CNOT3: variants seen among roughly 807,000 people sequenced by gnomAD.
The protein encoded by CNOT3 is CCR4-associated factor 3.
CNOT3 carries 2 observed loss-of-function variants against 89.4 expected under a neutral mutation model. The ratio of observed to expected loss-of-function variants is 0.02; its 90% confidence interval spans 0.01 to 0.07. The LOEUF is 0.07. Ranked by LOEUF, CNOT3 falls within the 10% of genes least tolerant of loss-of-function variation. CNOT3 has a pLI of 1.00. For synonymous variants in CNOT3, 486 were observed against 402.0 expected, an observed-to-expected ratio of 1.21 and a Z score of -2.50; for missense variants, 664 against 1,010.2, an observed-to-expected ratio of 0.66 and a Z score of 4.65.
chr19:54,150,786 A>C (rs915285248), intron 13 of CNOT3, among the ~76,000 whole-genome samples: 11 of 151,624 alleles, frequency 7.3e-5, no homozygotes, highest in Non-Finnish European at 1.5e-4. Flanking sequence ...CAGAAGCATT[A>C]ATTTTTTTTT....
In CNOT3 at chr19:54,143,695, C is replaced by T. The variant is rs2074548597; in HGVS notation, c.204C>T (p.Ser68=). The T allele has an allele frequency of 6.2e-7, 1 of 1,613,862 alleles. No individual in the cohort carries two copies. The highest frequency in any genetic ancestry group is 8.5e-7 in the Non-Finnish European group (1 of 1,179,996). The change falls in exon 5 of 18, where the codon TCC becomes TCT. Residue 68 remains serine (S), a synonymous_variant. Transcript: ENST00000221232. Reference sequence around the variant, plus strand: ...ACCAAATCAAGACATGGGTAGCGTCCAACGAGATCAAGGACAAGAGGCAGC... The same window carrying T: ...ACCAAATCAAGACATGGGTAGCGTCTAACGAGATCAAGGACAAGAGGCAGC... ...LRDQIKTWVA[S]NEIKDKRQLI...
chr19:54,147,878 A>G (rs1452980838), intron 10 of CNOT3, among the ~76,000 whole-genome samples: 3 of 152,200 alleles, frequency 2.0e-5, no homozygotes, highest in Non-Finnish European at 4.4e-5. Context: ...GTTGTGTGTC[A>G]GATCCCTGTG....
chr19:54,152,101 G>T, intron 13 of CNOT3, 125 bp from the exon 14 acceptor site: 1 of 854,042 alleles, frequency 1.2e-6, no homozygotes, highest in Non-Finnish European at 1.9e-6. Context: ...GTAGATTGTG[G>T]GGAGTGGGTC....
In CNOT3 at chr19:54,152,333, A is replaced by G. The variant is rs1390942159; in HGVS notation, c.1705+8A>G. On this transcript the variant is annotated splice_region_variant and intron_variant, in intron 14 of 17. Transcript: ENST00000221232. ...TGCACCTGACCGAGCGAGGTGAGGGACCCAGGATGGTGGGGAAGCAGCGGG... is the reference window on the plus strand; with the variant it reads ...TGCACCTGACCGAGCGAGGTGAGGGGCCCAGGATGGTGGGGAAGCAGCGGG... 6.2e-7 allele frequency: 1 copy of G among 1,613,986 alleles called. No homozygotes were observed. The highest frequency in any genetic ancestry group is 8.5e-7 in the Non-Finnish European group (1 of 1,180,014).
intron 16 of CNOT3, chr19:54,153,259 C>T (rs2075232814): frequency 5.2e-6 from 4 of 762,632 alleles, no homozygotes; most frequent in East Asian, 2.4e-5. Context: ...TCCAGTTGCC[C>T]ACTGGCTCAC....
Position 54,143,731 on chromosome 19 carries a change from C to T in CNOT3, c.240C>T (p.Asn80=). The T allele has an allele frequency of 6.2e-7, 1 of 1,613,872 alleles. No homozygotes were observed. The highest frequency in any genetic ancestry group is 8.5e-7 in the Non-Finnish European group (1 of 1,179,950). Residue 80 remains asparagine, a synonymous_variant, in exon 5 of 18, where the codon AAC becomes AAT. Coordinates refer to ENST00000221232, the MANE Select transcript of CNOT3 (RefSeq NM_014516.4). ...EIKDKRQLID[N]RKLIETQMER... ...AGGACAAGAGGCAGCTTATAGACAA[C>T]CGCAAGCTCATTGAGACGGTAGGAG...
At position 54,137,913 on chromosome 19, in the gene CNOT3, G is replaced by C. The variant is rs895842683; in HGVS notation, c.-131G>C. 7.9e-5 allele frequency: 12 copies of C among 152,126 alleles called. No homozygotes were observed. The highest frequency in any genetic ancestry group is 4.6e-4 in the Admixed American group (7 of 15,298). The allele number at this position is 152,126 out of a possible 1,614,324, so 9.4% of individuals were successfully genotyped here. A position where few individuals can be genotyped will look rare whatever the true frequency, so the allele number is the denominator to read the frequency against. ...CGCTATCGCGATAGCGCCCGGGCCC[G>C]GGGCGCGAGAAAAAGGCGGCGGGCG... On this transcript the variant is annotated 5_prime_UTR_variant, in exon 1 of 18. Coordinates refer to ENST00000221232, the MANE Select transcript of CNOT3 (RefSeq NM_014516.4).
chr19:54,146,124 G>A (rs1212316003), intron 9 of CNOT3, 81 bp downstream of exon 9: 58 of 1,509,044 alleles, frequency 3.8e-5, no homozygotes, highest in Non-Finnish European at 5.1e-5. Flanking sequence ...ACTCCAAAGT[G>A]GCTATGGGAG....
chr19:54,143,296 T>C (rs113910852), intron 3 of CNOT3, 110 bp downstream of exon 3: 3 of 1,140,684 alleles, frequency 2.6e-6, no homozygotes, highest in African/African-American at 3.2e-5. Context: ...ATGCAGATGC[T>C]GAGGACCTAA....
chr19:54,153,677 G>T (rs1375615204), intron 16 of CNOT3, 38 bp from the exon 17 acceptor site: 1 of 1,595,490 alleles, frequency 6.3e-7, no homozygotes, highest in South Asian at 1.1e-5. Flanking sequence ...CCCAGTTTGG[G>T]GGCCCCCTGA....
At chr19:54,142,453 C>CACACA (rs1440264680) in intron 1 of CNOT3, 2 of 221,630 alleles carry the variant, frequency 9.0e-6, no homozygotes, top group South Asian at 6.5e-5. Context: ...CACACACACG[C>CACACA]CCTTCTCTGT....
In CNOT3 at chr19:54,153,847, G is replaced by C. The variant is rs777965556; in HGVS notation, c.2163+7G>C. Reference sequence around the variant, plus strand: ...CACTGACGAGTTTGAGCAGGTGAGGGCCCCGCCCCCTCTCTTCCCGCTGCT... The same window carrying C: ...CACTGACGAGTTTGAGCAGGTGAGGCCCCCGCCCCCTCTCTTCCCGCTGCT... On this transcript the variant is annotated splice_region_variant and intron_variant, in intron 17 of 17. Coordinates refer to ENST00000221232, the MANE Select transcript of CNOT3 (RefSeq NM_014516.4). 6.2e-7 allele frequency: 1 copy of C among 1,614,116 alleles called. No individual in the cohort carries two copies. The highest frequency in any genetic ancestry group is 8.5e-7 in the Non-Finnish European group (1 of 1,179,996).
At chr19:54,139,152 G>A (rs1248662798) in intron 1 of CNOT3, among the ~76,000 whole-genome samples, 2 of 152,144 alleles carry the variant, frequency 1.3e-5, no homozygotes, top group East Asian at 3.9e-4. Flanking sequence ...GTGCAGGGCG[G>A]CCACCCACCC....
At chr19:54,153,105 TG>T in intron 16 of CNOT3, 106 bp downstream of exon 16, 3 of 998,798 alleles carry the variant, frequency 3.0e-6, no homozygotes, top group Non-Finnish European at 3.2e-6. Flanking sequence ...CTGCGGCCAC[TG>T]GGACCGCACC....
In CNOT3 at chr19:54,145,021, A is replaced by G. The variant is rs1303508983; in HGVS notation, c.484-577A>G. On this transcript the variant is annotated intron_variant, in intron 7 of 17. Coordinates refer to ENST00000221232, the MANE Select transcript of CNOT3 (RefSeq NM_014516.4). The surrounding 1 kb of genome is among the most constrained non-coding windows in gnomAD (Gnocchi z 5.9). ...GAGATGATGGGTCCTTGAACAGAGC[A>G]GAGATTTGGAACCAAGGCTAAGATG... Among the ~76,000 whole-genome samples the G allele has an allele frequency of 6.6e-6, 1 of 152,048 alleles. No homozygotes were observed. Among genetic ancestry groups the G allele is most frequent in the African/African-American group, 2.4e-5 (1 of 41,370 alleles).
Position 54,144,904 on chromosome 19 carries a change from A to C in CNOT3, c.483+572A>C, listed in dbSNP as rs750086665. ...ACAGGGAGGGGAGAGCCGGGTCCTC[A>C]GGGAAGCTGTGGGTGGGAGAGGGTC... On this transcript the variant is annotated intron_variant, in intron 7 of 17. Transcript: ENST00000221232. This position sits in a 1 kb window ranked among gnomAD's most constrained non-coding sequence, Gnocchi z 4.8. Among the ~76,000 whole-genome samples the C allele has an allele frequency of 2.0e-5, 3 of 152,104 alleles. No individual in the cohort carries two copies. Among genetic ancestry groups the C allele is most frequent in the African/African-American group, 4.8e-5 (2 of 41,404 alleles).
chr19:54,140,618 T>G (rs1296830029), intron 1 of CNOT3, among the ~76,000 whole-genome samples: 1 of 152,144 alleles, frequency 6.6e-6, no homozygotes, highest in Non-Finnish European at 1.5e-5. Flanking sequence ...TGGCTAAGGC[T>G]CCAGCCTCTC....
Position 54,155,442 on chromosome 19 carries a change from G to T in CNOT3, c.*35G>T. ...CTCCCTCTACCCACCCCCTTCCCCC[G>T]CATGCTGATCCCCCTGCCCAGGTGA... On this transcript the variant is annotated 3_prime_UTR_variant, in exon 18 of 18. Coordinates refer to ENST00000221232, the MANE Select transcript of CNOT3 (RefSeq NM_014516.4). The T allele has an allele frequency of 8.7e-7, 1 of 1,144,868 alleles. No individual in the cohort carries two copies. Among genetic ancestry groups the T allele is most frequent in the Non-Finnish European group, 1.2e-6 (1 of 831,450 alleles). 70.9% of individuals were successfully genotyped at this position (1,144,868 alleles called of 1,614,324 possible). A position where few individuals can be genotyped will look rare whatever the true frequency, so the allele number is the denominator to read the frequency against.
intron 17 of CNOT3, 77 bp downstream of exon 17, chr19:54,153,917 C>T (rs2075280889): frequency 4.4e-6 from 7 of 1,582,042 alleles, no homozygotes; most frequent in African/African-American, 1.3e-5. Flanking sequence ...CCCTGCTGGC[C>T]TCTGCTCCCT....
Sources: allele counts gnomAD v4.1 joint callset (sites outside exome capture counted in the v4.1 genomes callset), GRCh38; gene constraint gnomAD v4.1.1; non-coding constraint Gnocchi (gnomAD v3.1); transcripts MANE v1.5; gene names NCBI Gene and HGNC (gene_info 2026-07-23, HGNC 2026-07-21).